Variants in OTC observed in about 807,000 individuals in gnomAD.
The protein encoded by OTC is ornithine transcarbamylase, mitochondrial.
OTC carries 3 observed loss-of-function variants against 30.3 expected under a neutral mutation model. The observed-to-expected ratio is 0.10, with a 90% CI of 0.05 to 0.26. The LOEUF is 0.26. OTC is among the 10% of genes least tolerant of loss of function. OTC has a pLI of 1.00. For missense variants in OTC, 194 were observed against 260.3 expected (o/e 0.75, Z 1.75); for synonymous variants, 111 against 99.7 (o/e 1.11, Z -0.67).
At chrX:38,372,328 T>C (rs1321553252) in intron 3 of OTC, among the ~76,000 whole-genome samples, 2 of 111,757 alleles carry the variant, frequency 1.8e-5, no homozygotes, top group Admixed American at 1.9e-4. Context: ...CAGGCTGAAA[T>C]GGGGCCAGCA....
intron 1 of OTC, among the ~76,000 whole-genome samples, chrX:38,353,171 A>G (rs1182455741): frequency 8.9e-6 from 1 of 112,359 alleles, no homozygotes; most frequent in East Asian, 2.8e-4. Context: ...ACAGACTCCA[A>G]GTAGCAACTA....
chrX:38,393,644 A>G (rs1194811349), intron 4 of OTC, among the ~76,000 whole-genome samples: 1 of 112,326 alleles, frequency 8.9e-6, no homozygotes, highest in Non-Finnish European at 1.9e-5. Context: ...ATTCAAGGTG[A>G]CTTAAACTCA....
intron 4 of OTC, among the ~76,000 whole-genome samples, chrX:38,387,335 A>G (rs1381411493): frequency 8.9e-6 from 1 of 112,150 alleles, no homozygotes; most frequent in Non-Finnish European, 1.9e-5. Flanking sequence ...AAAGTCTTAC[A>G]TTTAGAGTTA....
At chrX:38,405,053 G>T (rs2068509380) in intron 6 of OTC, among the ~76,000 whole-genome samples, 1 of 111,362 alleles carries the variant, frequency 9.0e-6, no homozygotes, top group African/African-American at 3.3e-5. Context: ...GGTAGCCAGA[G>T]AGCTGTCCCC....
At position 38,370,988 on chromosome X, in the gene OTC, GGTCT is replaced by G. The variant is rs769532973; in HGVS notation, c.298+1116_298+1119del. Among the ~76,000 whole-genome samples the G allele has an allele frequency of 2.1e-4, 23 of 111,319 alleles. No homozygotes were observed. The East Asian group carries it at 5.4e-3, about 26-fold the overall frequency. ...TCTATAACATTTACTGCCTTCTAGA[GGTCT>G]GTCTTAAAAGCAAGACAGGTTGTCC... On this transcript the variant is annotated intron_variant, in intron 3 of 9. Coordinates refer to ENST00000039007, the MANE Select transcript of OTC (RefSeq NM_000531.6).
chrX:38,403,455 T>C (rs1271151480), intron 5 of OTC, among the ~76,000 whole-genome samples, 163 bp from the exon 6 acceptor site: 1 of 111,222 alleles, frequency 9.0e-6, no homozygotes, highest in Non-Finnish European at 1.9e-5. Flanking sequence ...GATTGTACAT[T>C]CATATTATTG....
At chrX:38,370,599 C>A (rs1218808895) in intron 3 of OTC, among the ~76,000 whole-genome samples, 1 of 111,414 alleles carries the variant, frequency 9.0e-6, no homozygotes, top group Non-Finnish European at 1.9e-5. Flanking sequence ...GGAATGCACA[C>A]GGGGCTGAAG....
chrX:38,388,753 G>GT (rs1186765513), intron 4 of OTC, among the ~76,000 whole-genome samples: 1 of 111,932 alleles, frequency 8.9e-6, no homozygotes, highest in African/African-American at 3.2e-5. Context: ...ACCAAATAAT[G>GT]TAACACTGTT....
upstream of OTC, among the ~76,000 whole-genome samples, chrX:38,352,089 G>A (rs1410673306): frequency 8.9e-6 from 1 of 112,694 alleles, no homozygotes; most frequent in Non-Finnish European, 1.9e-5. Context: ...GAAGACTTAT[G>A]TGCAAGGCAC....
intron 1 of OTC, among the ~76,000 whole-genome samples, chrX:38,361,317 C>T (rs941340864): frequency 5.5e-5 from 6 of 109,160 alleles, no homozygotes; most frequent in Non-Finnish European, 9.6e-5. Context: ...AAAAAAAATA[C>T]TGATAGCAGT....
intron 3 of OTC, among the ~76,000 whole-genome samples, chrX:38,371,793 C>G (rs1378907173): frequency 8.9e-6 from 1 of 111,989 alleles, no homozygotes; most frequent in Non-Finnish European, 1.9e-5. Flanking sequence ...GAACATTTTG[C>G]TCTTTAAAGC....
intron 4 of OTC, among the ~76,000 whole-genome samples, chrX:38,385,816 C>G (rs1467555742): frequency 8.9e-6 from 1 of 111,992 alleles, no homozygotes; most frequent in Non-Finnish European, 1.9e-5. Context: ...TATTTATGGC[C>G]GGGTGTGTTG....
chrX:38,328,071 T>C, the OTC span, among the ~76,000 whole-genome samples: 2 of 112,527 alleles, frequency 1.8e-5, no homozygotes, highest in African/African-American at 6.5e-5. Flanking sequence ...CTGAGGTGTA[T>C]ATGGTCCACT....
At chrX:38,419,701 C>T (rs1476969217) in intron 9 of OTC, among the ~76,000 whole-genome samples, 1 of 111,506 alleles carries the variant, frequency 9.0e-6, no homozygotes, top group Non-Finnish European at 1.9e-5. Flanking sequence ...TTACTGAATT[C>T]CCTTACCAGT....
chrX:38,344,240 T>TACACAC, the OTC span, among the ~76,000 whole-genome samples: 34 of 61,741 alleles, frequency 5.5e-4, no homozygotes, highest in South Asian at 7.3e-4. Context: ...TATATATATA[T>TACACAC]ACACACACAC....
the OTC span, among the ~76,000 whole-genome samples, chrX:38,337,821 C>T: frequency 2.7e-5 from 3 of 111,254 alleles, no homozygotes; most frequent in South Asian, 1.1e-3. Flanking sequence ...GTTATTGCTA[C>T]CGTCCTCCAA....
chrX:38,402,032 C>A (rs1160488826), intron 5 of OTC, among the ~76,000 whole-genome samples: 1 of 111,725 alleles, frequency 9.0e-6, no homozygotes, highest in Non-Finnish European at 1.9e-5. Flanking sequence ...CATTATATTG[C>A]CCCTGGAAAT....
rs143031609 is a variant in OTC at position 38,377,584 on chromosome X, T to G, written c.299-3758T>G. Among the ~76,000 whole-genome samples the G allele has an allele frequency of 5.6e-3, 626 of 112,291 alleles. 6 individuals are homozygous for G. The highest frequency in any genetic ancestry group is 0.018 in the Middle Eastern group (4 of 217). On this transcript the variant is annotated intron_variant, in intron 3 of 9. Coordinates refer to ENST00000039007, the MANE Select transcript of OTC (RefSeq NM_000531.6). ...GAAGCCAACCATTTTCTCAACACGT[T>G]AGCTGCTACCACCTTGTTCCAGCCT...
At chrX:38,403,527 G>T (rs1602030840) in intron 5 of OTC, 91 bp from the exon 6 acceptor site, 5 of 990,185 alleles carry the variant, frequency 5.0e-6, no homozygotes, top group Non-Finnish European at 7.2e-6. Context: ...CACTAATACT[G>T]AGATTAAGAC....
Sources: allele counts gnomAD v4.1 joint callset (sites outside exome capture counted in the v4.1 genomes callset), GRCh38; gene constraint gnomAD v4.1.1; transcripts MANE v1.5; gene names NCBI Gene and HGNC (gene_info 2026-07-23, HGNC 2026-07-21).